The following SOX5 variants were observed in gnomAD, a reference collection of about 807,000 sequenced individuals.
The protein encoded by SOX5 is transcription factor SOX-5.
In SOX5, 9 loss-of-function variants were observed where a neutral mutation model predicts 92.0. The observed-to-expected ratio is 0.10, with a 90% CI of 0.06 to 0.17. The LOEUF (loss-of-function observed/expected upper bound fraction) is 0.17, where lower values mean the gene tolerates loss of function less well. Among genes scored for constraint, SOX5 ranks in the 10% least tolerant of loss-of-function variants. The pLI is 1.00. For synonymous variants in SOX5, 344 were observed against 336.3 expected, an observed-to-expected ratio of 1.02 and a Z score of -0.25; for missense variants, 642 against 944.5, an observed-to-expected ratio of 0.68 and a Z score of 4.20.
intron 4 of SOX5, among the ~76,000 whole-genome samples, chr12:23,754,225 G>A (rs528219070): frequency 8.6e-5 from 13 of 151,708 alleles, no homozygotes; most frequent in Non-Finnish European, 1.5e-4. Flanking sequence ...GGGAAAAAAC[G>A]TTTGTCCTCC....
At chr12:24,074,630 C>CAAAAAAAAAAAA (rs76320418) in intron 4 of SOX5, among the ~76,000 whole-genome samples, 6 of 51,270 alleles carry the variant, frequency 1.2e-4, no homozygotes, top group Non-Finnish European at 1.7e-4. Context: ...TGTAAACTAC[C>CAAAAAAAAAAAA]AAAAAAAAAA....
At chr12:23,981,864 G>A (rs1331617209) in intron 4 of SOX5, among the ~76,000 whole-genome samples, 2 of 151,978 alleles carry the variant, frequency 1.3e-5, no homozygotes, top group Non-Finnish European at 2.9e-5. Context: ...TAGCCTCAAT[G>A]ATCACCAGAA....
chr12:24,133,638 G>GA (rs1277201402), intron 4 of SOX5, among the ~76,000 whole-genome samples: 2 of 152,194 alleles, frequency 1.3e-5, no homozygotes, highest in African/African-American at 4.8e-5. Context: ...GGTCACAACA[G>GA]AAAGCAAGAG....
intron 4 of SOX5, among the ~76,000 whole-genome samples, chr12:24,176,944 T>C (rs969330319): frequency 2.0e-5 from 3 of 151,598 alleles, no homozygotes; most frequent in Non-Finnish European, 4.4e-5. Context: ...TAGTACTTCA[T>C]ACTATGTTCA....
chr12:23,711,132 A>C (rs1028536216), intron 6 of SOX5, among the ~76,000 whole-genome samples: 2 of 152,190 alleles, frequency 1.3e-5, no homozygotes, highest in Admixed American at 6.5e-5. Context: ...TTATTTTCAA[A>C]AAGAGTCTAT....
chr12:23,850,977 G>A (rs1347467349), intron 2 of SOX5, among the ~76,000 whole-genome samples: 1 of 151,866 alleles, frequency 6.6e-6, no homozygotes, highest in African/African-American at 2.4e-5. Flanking sequence ...ATGGATTCCA[G>A]GTTAAGGAAT....
Position 23,530,818 on chromosome 12 carries a change from T to TGTGTGTGTGCGCGCGCGC in SOX5, c.*3400_*3401insGCGCGCGCGCACACACAC. 7.6e-6 allele frequency: 1 copy of TGTGTGTGTGCGCGCGCGC among 132,052 alleles called. No individual in the cohort carries two copies. Among genetic ancestry groups the TGTGTGTGTGCGCGCGCGC allele is most frequent in the Non-Finnish European group, 1.6e-5 (1 of 60,788 alleles). 8.2% of individuals were successfully genotyped at this position (132,052 alleles called of 1,614,324 possible). A position where few individuals can be genotyped will look rare whatever the true frequency, so the allele number is the denominator to read the frequency against. The stretch of plus-strand genomic sequence containing the variant: ...GGGCAAGTGTGTGTGTGTGTGTGTG[T>TGTGTGTGTGCGCGCGCGC]GCGCGCGCGCGCGCGCGCATGTGAG... On this transcript the variant is annotated 3_prime_UTR_variant, in exon 15 of 15. Coordinates refer to ENST00000451604, the MANE Select transcript of SOX5 (RefSeq NM_006940.6).
At chr12:24,106,628 T>C (rs1593215305) in intron 4 of SOX5, among the ~76,000 whole-genome samples, 1 of 151,528 alleles carries the variant, frequency 6.6e-6, no homozygotes, top group Non-Finnish European at 1.5e-5. Flanking sequence ...CCCGTCTCTA[T>C]TAAAAATACA....
rs145562334 is a variant in SOX5, at chr12:24,353,591, T to C, written c.-174+14972A>G. Reference sequence around the variant, plus strand: ...ATAGACTAAAAGACTGGGAAGAGTATGTGTTGGGGGTGGGGGTCTTCCTGC... The same window carrying C: ...ATAGACTAAAAGACTGGGAAGAGTACGTGTTGGGGGTGGGGGTCTTCCTGC... On this transcript the variant is annotated intron_variant, in intron 2 of 4. Coordinates refer to the SOX5 transcript ENST00000446891. Among the ~76,000 whole-genome samples, 410 of 151,936 alleles carry C rather than the reference T, an allele frequency of 2.7e-3. 2 individuals are homozygous for C. Among genetic ancestry groups the C allele is most frequent in the African/African-American group, 9.5e-3 (394 of 41,428 alleles).
chr12:24,407,524 T>G (rs549100254), intron 1 of SOX5: 44 of 152,296 alleles, frequency 2.9e-4, no homozygotes, highest in African/African-American at 1.0e-3. Flanking sequence ...CTTCTGAGGA[T>G]CCTCCTGAAG....
intron 3 of SOX5, among the ~76,000 whole-genome samples, chr12:24,269,530 G>C (rs141208390): frequency 8.3e-4 from 126 of 152,140 alleles, no homozygotes; most frequent in Middle Eastern, 6.8e-3. Flanking sequence ...AAGCCTTTTT[G>C]TGACTATTAT....
chr12:23,988,539 G>A (rs947599514), intron 4 of SOX5, among the ~76,000 whole-genome samples: 1 of 152,132 alleles, frequency 6.6e-6, no homozygotes, highest in Non-Finnish European at 1.5e-5. Flanking sequence ...GAGTGATGTG[G>A]GAGAGAGGAA....
intron 2 of SOX5, among the ~76,000 whole-genome samples, chr12:23,851,367 A>C (rs1181279916): frequency 2.6e-5 from 4 of 152,164 alleles, no homozygotes; most frequent in Non-Finnish European, 4.4e-5. Flanking sequence ...TATCAGCTCA[A>C]TTTTCCAATA....
chr12:24,212,862 C>T (rs778673082), intron 4 of SOX5, among the ~76,000 whole-genome samples: 18 of 152,186 alleles, frequency 1.2e-4, no homozygotes, highest in Non-Finnish European at 2.4e-4. Flanking sequence ...AACAGATTGA[C>T]TCTGAAGAGT....
At chr12:23,760,767 C>T (rs2094541691) in intron 3 of SOX5, among the ~76,000 whole-genome samples, 1 of 152,040 alleles carries the variant, frequency 6.6e-6, no homozygotes, top group Admixed American at 6.6e-5. Flanking sequence ...AGACTCATGC[C>T]AACATATTGT....
intron 1 of SOX5, among the ~76,000 whole-genome samples, chr12:23,932,287 C>A (rs978495934): frequency 6.6e-6 from 1 of 151,548 alleles, no homozygotes; most frequent in Admixed American, 6.6e-5. Flanking sequence ...ATGTCAATGT[C>A]AATGTCAAGG....
At chr12:24,246,790 C>T (rs993100325) in intron 3 of SOX5, among the ~76,000 whole-genome samples, 5 of 152,056 alleles carry the variant, frequency 3.3e-5, no homozygotes, top group Non-Finnish European at 7.4e-5. Context: ...TGATACTGCT[C>T]TCAATTATTT....
At chr12:24,237,964 C>A (rs1300621689) in intron 3 of SOX5, 1 of 152,110 alleles carries the variant, frequency 6.6e-6, no homozygotes, top group Non-Finnish European at 1.5e-5. Context: ...GCCATGGTAA[C>A]TGAGAAACTG....
intron 1 of SOX5, among the ~76,000 whole-genome samples, chr12:24,515,968 A>G (rs1949743267): frequency 6.6e-6 from 1 of 151,710 alleles, no homozygotes; most frequent in Admixed American, 6.6e-5. Context: ...AGTATGCTGA[A>G]TCTTTACCTT....
Sources: allele counts gnomAD v4.1 joint callset (sites outside exome capture counted in the v4.1 genomes callset), GRCh38; gene constraint gnomAD v4.1.1; transcripts MANE v1.5; gene names NCBI Gene and HGNC (gene_info 2026-07-23, HGNC 2026-07-21).